Variants in HS2ST1 observed in about 807,000 individuals in gnomAD.
The protein encoded by HS2ST1 is 2-O-sulfotransferase.
In HS2ST1, 18 loss-of-function variants were observed where a neutral mutation model predicts 42.9. That is an observed-to-expected ratio of 0.42 (90% CI 0.29 to 0.62). HS2ST1 has a LOEUF of 0.62. Ranked by LOEUF, HS2ST1 falls within the 20% of genes least tolerant of loss-of-function variation. The probability of loss-of-function intolerance (pLI) is 0.21; values close to 1 mark genes in which losing one functional copy is unlikely to be tolerated. For synonymous variants in HS2ST1, 146 were observed against 152.9 expected, an observed-to-expected ratio of 0.95 and a Z score of 0.33; for missense variants, 334 against 433.8, an observed-to-expected ratio of 0.77 and a Z score of 2.04.
chr1:87,004,465 T>C (rs139525824), intron 1 of HS2ST1, among the ~76,000 whole-genome samples: 4 of 152,240 alleles, frequency 2.6e-5, no homozygotes, highest in African/African-American at 9.6e-5. Context: ...TACACAAAAG[T>C]CTATTTTTTT....
intron 1 of HS2ST1, among the ~76,000 whole-genome samples, chr1:87,034,195 G>T (rs1650314587): frequency 6.6e-6 from 1 of 152,178 alleles, no homozygotes; most frequent in Admixed American, 6.5e-5. Flanking sequence ...AAATACCAGT[G>T]AGGAAGGTCA....
intron 1 of HS2ST1, among the ~76,000 whole-genome samples, chr1:87,066,337 A>G (rs2100628281): frequency 6.6e-6 from 1 of 152,306 alleles, no homozygotes; most frequent in Non-Finnish European, 1.5e-5. Context: ...GTTGGAAATA[A>G]TAGTGCCATT....
intron 1 of HS2ST1, among the ~76,000 whole-genome samples, chr1:86,962,888 G>A (rs559873242): frequency 1.9e-4 from 29 of 152,280 alleles, no homozygotes; most frequent in Non-Finnish European, 3.5e-4. Context: ...CCTAAAGTCA[G>A]TAAGTTCCAT....
intron 1 of HS2ST1, among the ~76,000 whole-genome samples, chr1:87,056,734 G>A (rs1650979378): frequency 2.6e-5 from 4 of 152,214 alleles, no homozygotes; most frequent in South Asian, 2.1e-4. Context: ...CAATTCTAAT[G>A]TATTAATATT....
intron 1 of HS2ST1, among the ~76,000 whole-genome samples, chr1:87,059,486 TAA>T (rs895021648): frequency 1.6e-4 from 24 of 152,138 alleles, no homozygotes; most frequent in African/African-American, 5.3e-4. Flanking sequence ...GAGAAATTTA[TAA>T]AGAGATGAGG....
chr1:86,945,616 G>T (rs894415105), intron 1 of HS2ST1, among the ~76,000 whole-genome samples: 3 of 152,114 alleles, frequency 2.0e-5, no homozygotes, highest in African/African-American at 7.2e-5. Context: ...GAAGAAATTT[G>T]CGACAATCTT....
chr1:86,990,164 A>G (rs1020972707), intron 1 of HS2ST1, among the ~76,000 whole-genome samples: 1 of 152,134 alleles, frequency 6.6e-6, no homozygotes, highest in Non-Finnish European at 1.5e-5. Flanking sequence ...CAATGGTTGA[A>G]CTAATTTACA....
chr1:87,022,595 C>T (rs557362783), intron 1 of HS2ST1, among the ~76,000 whole-genome samples: 2 of 152,102 alleles, frequency 1.3e-5, no homozygotes, highest in South Asian at 4.2e-4. Flanking sequence ...TTGAAAAAGA[C>T]CTGAACTTTG....
At chr1:86,929,101 T>C (rs569265878) in intron 1 of HS2ST1, among the ~76,000 whole-genome samples, 1 of 152,080 alleles carries the variant, frequency 6.6e-6, no homozygotes, top group African/African-American at 2.4e-5. Flanking sequence ...ATGTAAATGA[T>C]ACTTGTTTTT....
chr1:87,040,774 G>A (rs574666730), intron 1 of HS2ST1, among the ~76,000 whole-genome samples: 2 of 152,238 alleles, frequency 1.3e-5, no homozygotes, highest in African/African-American at 2.4e-5. Flanking sequence ...TGGTAGCACA[G>A]AATATCTGTG....
At chr1:86,954,379 T>C (rs537306431) in intron 1 of HS2ST1, among the ~76,000 whole-genome samples, 1 of 152,252 alleles carries the variant, frequency 6.6e-6, no homozygotes, top group South Asian at 2.1e-4. Flanking sequence ...GTGAAGTGCA[T>C]TGACGTGAAG....
At chr1:87,056,423 A>G (rs1014084630) in intron 1 of HS2ST1, among the ~76,000 whole-genome samples, 5 of 152,212 alleles carry the variant, frequency 3.3e-5, no homozygotes, top group African/African-American at 1.2e-4. Context: ...ATAGATTAAG[A>G]CAAGTTGCAA....
At chr1:86,981,506 G>T (rs899576946) in intron 1 of HS2ST1, among the ~76,000 whole-genome samples, 7 of 152,192 alleles carry the variant, frequency 4.6e-5, no homozygotes, top group African/African-American at 1.2e-4. Context: ...TACAGTGGGG[G>T]TACAGGCATT....
chr1:86,973,536 A>G (rs1648300918), intron 1 of HS2ST1, among the ~76,000 whole-genome samples: 1 of 152,156 alleles, frequency 6.6e-6, no homozygotes, highest in Non-Finnish European at 1.5e-5. Context: ...CAGAATTATT[A>G]GTAAGGGATA....
intron 1 of HS2ST1, among the ~76,000 whole-genome samples, chr1:87,047,047 C>T (rs1650698156): frequency 6.6e-6 from 1 of 151,952 alleles, no homozygotes; most frequent in South Asian, 2.1e-4. Context: ...AACTGTTTTC[C>T]ATAATGGTTG....
At chr1:87,003,122 G>A (rs1041412025) in intron 1 of HS2ST1, among the ~76,000 whole-genome samples, 4 of 152,258 alleles carry the variant, frequency 2.6e-5, no homozygotes, top group Non-Finnish European at 2.9e-5. Flanking sequence ...ATCAGGTGAA[G>A]AAGGATCTTT....
At chr1:87,036,514 C>A (rs574187395) in intron 1 of HS2ST1, among the ~76,000 whole-genome samples, 1 of 151,972 alleles carries the variant, frequency 6.6e-6, no homozygotes, top group South Asian at 2.1e-4. Context: ...GGAGGATATT[C>A]CAAGTGAAAT....
chr1:87,004,432 A>G (rs1047147144), intron 1 of HS2ST1, among the ~76,000 whole-genome samples: 4 of 152,088 alleles, frequency 2.6e-5, no homozygotes, highest in South Asian at 4.1e-4. Flanking sequence ...GCGTATCTCA[A>G]TCACTATGTA....
chr1:87,071,136 G>T (rs1229448193), intron 1 of HS2ST1, among the ~76,000 whole-genome samples: 1 of 152,088 alleles, frequency 6.6e-6, no homozygotes, highest in Non-Finnish European at 1.5e-5. Flanking sequence ...GTTTTGGAAG[G>T]CCCACTGCTA....
Sources: allele counts gnomAD v4.1 joint callset (sites outside exome capture counted in the v4.1 genomes callset), GRCh38; gene constraint gnomAD v4.1.1; transcripts MANE v1.5; gene names NCBI Gene and HGNC (gene_info 2026-07-23, HGNC 2026-07-21).